The following SLC26A7 variants were observed in gnomAD, a reference collection of about 807,000 sequenced individuals.
The protein encoded by SLC26A7 is solute carrier family 26 member 7.
SLC26A7 carries 59 observed loss-of-function variants against 82.5 expected under a neutral mutation model. The ratio of observed to expected loss-of-function variants is 0.72; its 90% CI spans 0.58 to 0.89. The LOEUF (loss-of-function observed/expected upper bound fraction) is 0.89. SLC26A7 is among the 40% of genes least tolerant of loss of function. The probability of loss-of-function intolerance (pLI) is 0.00; values close to 1 mark genes in which losing one functional copy is unlikely to be tolerated. For missense variants in SLC26A7, 820 were observed against 793.0 expected, an observed-to-expected ratio of 1.03 and a Z score of -0.41; for synonymous variants, 271 against 274.3, an observed-to-expected ratio of 0.99 and a Z score of 0.12.
intron 4 of SLC26A7, among the ~76,000 whole-genome samples, chr8:91,309,929 C>G (rs1487027948): frequency 1.3e-5 from 2 of 152,030 alleles, no homozygotes; most frequent in Non-Finnish European, 2.9e-5. Context: ...CCTACCCACT[C>G]GAATGTCCCT....
intron 11 of SLC26A7, 142 bp downstream of exon 11, chr8:91,353,138 AT>A (rs1368368836): frequency 1.5e-5 from 7 of 462,992 alleles, no homozygotes; most frequent in Admixed American, 4.4e-5. Context: ...TTTTTCCAAA[AT>A]CTTAATAAAA....
chr8:91,213,061 T>G (rs1022294641), intron 1 of SLC26A7, among the ~76,000 whole-genome samples: 17 of 152,282 alleles, frequency 1.1e-4, no homozygotes, highest in Non-Finnish European at 2.1e-4. Context: ...TTACATTTTA[T>G]TGAGCTTTAG....
chr8:91,319,401 G>C (rs765925250), intron 5 of SLC26A7, among the ~76,000 whole-genome samples: 3 of 152,034 alleles, frequency 2.0e-5, no homozygotes, highest in Non-Finnish European at 4.4e-5. Context: ...TTTGATATGT[G>C]AAAAAAATGG....
intron 2 of SLC26A7, chr8:91,219,040 C>A: frequency 8.8e-7 from 1 of 1,133,984 alleles, no homozygotes; most frequent in Non-Finnish European, 1.3e-6. Context: ...CTCCACTTGC[C>A]CTGTCAGCTC....
At chr8:91,218,211 C>G (rs1810090081) in intron 1 of SLC26A7, among the ~76,000 whole-genome samples, 1 of 152,106 alleles carries the variant, frequency 6.6e-6, no homozygotes, top group Non-Finnish European at 1.5e-5. Flanking sequence ...TTTGGATTCT[C>G]TCACTGAGAG....
intron 2 of SLC26A7, among the ~76,000 whole-genome samples, chr8:91,275,820 C>G (rs1320584121): frequency 6.6e-6 from 1 of 152,172 alleles, no homozygotes; most frequent in Non-Finnish European, 1.5e-5. Flanking sequence ...TGGACCATGA[C>G]TGTATGCACT....
rs949281852 is a variant in SLC26A7 at position 91,352,422 on chromosome 8, G to C, written c.1219-479G>C. On this transcript the variant is annotated intron_variant, in intron 10 of 18. Coordinates refer to ENST00000276609, the MANE Select transcript of SLC26A7 (RefSeq NM_052832.4). ...TTCTAATTTTTCATGTGTGTAGTGA[G>C]AATAAACCATTTCCATGGTAGGATC... Among the ~76,000 whole-genome samples the C allele has an allele frequency of 4.6e-5, 7 of 152,038 alleles. No individual in the cohort carries two copies. In the East Asian group the frequency reaches 1.3e-3, roughly 29 times the overall value.
At chr8:91,245,853 G>A (rs1049989274), upstream of SLC26A7, among the ~76,000 whole-genome samples, 12 of 152,122 alleles carry the variant, frequency 7.9e-5, no homozygotes, top group East Asian at 1.9e-4. Flanking sequence ...CATAATTGCC[G>A]CAGAGATCCT....
intron 15 of SLC26A7, among the ~76,000 whole-genome samples, chr8:91,382,714 A>G (rs1814699863): frequency 2.0e-5 from 3 of 152,186 alleles, no homozygotes; most frequent in Non-Finnish European, 4.4e-5. Context: ...TTATTTATGC[A>G]TATTTTCCTC....
intron 9 of SLC26A7, among the ~76,000 whole-genome samples, chr8:91,347,152 G>C (rs974108894): frequency 1.3e-5 from 2 of 152,170 alleles, no homozygotes; most frequent in East Asian, 3.8e-4. Flanking sequence ...AATGAGAAAT[G>C]AGAGCTTCCA....
At chr8:91,356,026 G>T (rs1253223914) in intron 11 of SLC26A7, among the ~76,000 whole-genome samples, 1 of 151,982 alleles carries the variant, frequency 6.6e-6, no homozygotes, top group Non-Finnish European at 1.5e-5. Context: ...ATGGTTTCCA[G>T]TTTCATCCAT....
intron 6 of SLC26A7, among the ~76,000 whole-genome samples, chr8:91,336,626 TC>T (rs1352452796): frequency 6.6e-6 from 1 of 151,434 alleles, no homozygotes; most frequent in Non-Finnish European, 1.5e-5. Flanking sequence ...TGGGGTGCAA[TC>T]CCCCCCTTGC....
chr8:91,293,686 A>G (rs1194785098), intron 3 of SLC26A7, among the ~76,000 whole-genome samples: 1 of 152,106 alleles, frequency 6.6e-6, no homozygotes, highest in Non-Finnish European at 1.5e-5. Context: ...CTTCCTCCAA[A>G]TCCCAGGAAA....
intron 5 of SLC26A7, among the ~76,000 whole-genome samples, chr8:91,320,869 A>G (rs1360602500): frequency 6.6e-6 from 1 of 152,254 alleles, no homozygotes; most frequent in Non-Finnish European, 1.5e-5. Context: ...TGAGAGATAA[A>G]GCCCATGTTA....
chr8:91,286,534 C>T (rs1259846728), intron 2 of SLC26A7, among the ~76,000 whole-genome samples: 1 of 152,092 alleles, frequency 6.6e-6, no homozygotes, highest in African/African-American at 2.4e-5. Flanking sequence ...TGTGTCTATT[C>T]CTTGATACTT....
chr8:91,328,260 T>C (rs1812987931), intron 5 of SLC26A7, among the ~76,000 whole-genome samples: 1 of 152,132 alleles, frequency 6.6e-6, no homozygotes, highest in Non-Finnish European at 1.5e-5. Context: ...TCAATAGCTA[T>C]GGTCCCAGAG....
chr8:91,390,222 T>G (rs1335776117), intron 16 of SLC26A7, among the ~76,000 whole-genome samples: 1 of 150,682 alleles, frequency 6.6e-6, no homozygotes, highest in East Asian at 2.0e-4. Context: ...GATCACGCCA[T>G]TCTCCTGCCT....
chr8:91,373,435 G>A (rs1814421798), intron 15 of SLC26A7, among the ~76,000 whole-genome samples: 1 of 151,920 alleles, frequency 6.6e-6, no homozygotes, highest in Admixed American at 6.6e-5. Context: ...GTCGTGAAGG[G>A]ATGTTGGATT....
chr8:91,273,413 A>G (rs1811324420), intron 2 of SLC26A7, among the ~76,000 whole-genome samples: 3 of 152,178 alleles, frequency 2.0e-5, no homozygotes, highest in Admixed American at 2.0e-4. Context: ...GAATGCTGAC[A>G]TTTAAGAGTG....
Sources: gnomAD v4.1 joint callset for allele counts (sites outside exome capture counted in the v4.1 genomes callset) on GRCh38, gnomAD v4.1.1 for gene constraint, MANE v1.5 for transcripts, NCBI Gene and HGNC (gene_info 2026-07-23, HGNC 2026-07-21) for gene names.